Variants in SCAND3 observed in about 807,000 individuals in gnomAD.
SCAND3 encodes the protein SCAN domain containing 3, also known as SCAN domain-containing protein 3.
At chr6:28,600,158 C>A in the SCAND3 span, among the ~76,000 whole-genome samples, 1 of 151,994 alleles carries the variant, frequency 6.6e-6, no homozygotes, top group Non-Finnish European at 1.5e-5. Flanking sequence ...TTAAAAACTT[C>A]TCTGTGAAAT....
the SCAND3 span, chr6:28,575,164 A>G: frequency 3.1e-6 from 5 of 1,614,114 alleles, no homozygotes; most frequent in South Asian, 5.5e-5. The surrounding 1 kb of genome is among the most constrained non-coding windows in gnomAD (Gnocchi z 4.2). Context: ...AGTCTGTTGC[A>G]TGCTTCTGTG....
chr6:28,608,066 C>G, the SCAND3 span, among the ~76,000 whole-genome samples: 1 of 152,120 alleles, frequency 6.6e-6, no homozygotes, highest in Non-Finnish European at 1.5e-5. Flanking sequence ...TCTGTAAACA[C>G]TGCGTTCAAG....
the SCAND3 span, among the ~76,000 whole-genome samples, chr6:28,611,569 G>C: frequency 3.3e-5 from 5 of 152,112 alleles, no homozygotes; most frequent in African/African-American, 4.8e-5. Flanking sequence ...ATAGAACAAT[G>C]GTTAGACCAT....
At chr6:28,573,660 C>G in the SCAND3 span, 1 of 1,612,154 alleles carries the variant, frequency 6.2e-7, no homozygotes, top group Non-Finnish European at 8.5e-7. Context: ...CAAAACCAAA[C>G]TCAATATATG....
the SCAND3 span, among the ~76,000 whole-genome samples, chr6:28,602,679 A>T: frequency 3.2e-4 from 49 of 152,280 alleles, no homozygotes; most frequent in South Asian, 6.6e-3. Context: ...TATAAATTCC[A>T]TTGACTTGGC....
chr6:28,609,175 A>G, the SCAND3 span, among the ~76,000 whole-genome samples: 442 of 152,346 alleles, frequency 2.9e-3, 3 homozygotes, highest in Middle Eastern at 0.014. Flanking sequence ...TTTAGACATG[A>G]AAAAGTAATT....
the SCAND3 span, chr6:28,589,434 G>C: frequency 1.3e-5 from 2 of 152,142 alleles, no homozygotes; most frequent in Non-Finnish European, 2.9e-5. Flanking sequence ...ATCCGAGTTC[G>C]AATCTCGGTG....
the SCAND3 span, among the ~76,000 whole-genome samples, chr6:28,578,443 C>T: frequency 1.3e-5 from 2 of 152,098 alleles, no homozygotes; most frequent in South Asian, 2.1e-4. Flanking sequence ...TTATCTAACA[C>T]GTTACTACAT....
At chr6:28,586,760 G>A in the SCAND3 span, 1 of 1,549,326 alleles carries the variant, frequency 6.5e-7, no homozygotes, top group Non-Finnish European at 8.7e-7. The surrounding 1 kb of genome is among the most constrained non-coding windows in gnomAD (Gnocchi z 4.4). Context: ...TCCAGTTGGG[G>A]TCTAGGCAAA....
chr6:28,571,955 A>C, the SCAND3 span: 3 of 1,613,676 alleles, frequency 1.9e-6, no homozygotes, highest in East Asian at 2.2e-5. Context: ...AATTTGTCTA[A>C]TCTAGGTTGG....
At chr6:28,590,818 C>G in the SCAND3 span, 1 of 152,192 alleles carries the variant, frequency 6.6e-6, no homozygotes, top group Admixed American at 6.5e-5. Context: ...TTCATGAAAG[C>G]ATTATTTTGG....
At chr6:28,572,409 T>C in the SCAND3 span, 1 of 1,613,458 alleles carries the variant, frequency 6.2e-7, no homozygotes, top group Admixed American at 1.7e-5. This position sits in a 1 kb window ranked among gnomAD's most constrained non-coding sequence, Gnocchi z 4.1. Context: ...CATTGATAAT[T>C]GTTGTTAAAT....
At chr6:28,573,747 ATTTC>A in the SCAND3 span, 2 of 1,600,364 alleles carry the variant, frequency 1.2e-6, no homozygotes, top group Non-Finnish European at 1.7e-6. Context: ...TATTGTTAAC[ATTTC>A]TTTTATTACT....
the SCAND3 span, among the ~76,000 whole-genome samples, chr6:28,604,161 G>C: frequency 6.6e-6 from 1 of 152,170 alleles, no homozygotes; most frequent in Non-Finnish European, 1.5e-5. Flanking sequence ...CCTTCTGATG[G>C]GAGGAGATGC....
the SCAND3 span, chr6:28,575,991 A>G: frequency 6.2e-7 from 1 of 1,613,674 alleles, no homozygotes; most frequent in Non-Finnish European, 8.5e-7. The surrounding 1 kb of genome is among the most constrained non-coding windows in gnomAD (Gnocchi z 4.2). Context: ...TAGTATTATT[A>G]CTTTTGTTTT....
the SCAND3 span, chr6:28,587,044 T>C: frequency 9.9e-6 from 3 of 302,878 alleles, no homozygotes; most frequent in African/African-American, 2.2e-5. Context: ...ACGGATACTT[T>C]GGCCCTAAAT....
chr6:28,615,136 T>C, the SCAND3 span, among the ~76,000 whole-genome samples: 2 of 152,342 alleles, frequency 1.3e-5, no homozygotes, highest in Admixed American at 1.3e-4. Context: ...TAGAGCTCTC[T>C]GCACAGCCTC....
chr6:28,582,285 T>C, the SCAND3 span, among the ~76,000 whole-genome samples: 2 of 152,092 alleles, frequency 1.3e-5, no homozygotes, highest in South Asian at 2.1e-4. The surrounding 1 kb of genome is among the most constrained non-coding windows in gnomAD (Gnocchi z 4.8). Context: ...TCAGCAATCG[T>C]TAGTGTTAGT....
the SCAND3 span, among the ~76,000 whole-genome samples, chr6:28,584,094 T>A: frequency 6.6e-6 from 1 of 152,162 alleles, no homozygotes; most frequent in Non-Finnish European, 1.5e-5. Context: ...AATAATAAGT[T>A]TAATGTTGAA....
Sources: gnomAD v4.1 joint callset for allele counts (sites outside exome capture counted in the v4.1 genomes callset) on GRCh38, gnomAD v4.1.1 for gene constraint, Gnocchi (gnomAD v3.1) non-coding constraint, MANE v1.5 for transcripts, NCBI Gene and HGNC (gene_info 2026-07-23, HGNC 2026-07-21) for gene names.